ALS2: variants seen among roughly 807,000 people sequenced by gnomAD.
ALS2 encodes the protein alsin Rho guanine nucleotide exchange factor ALS2.
ALS2 carries 117 observed loss-of-function variants against 203.4 expected under a neutral mutation model. That is an observed-to-expected ratio of 0.58 (90% confidence interval 0.50 to 0.67). The LOEUF is 0.67. Ranked by LOEUF, ALS2 falls within the 30% of genes least tolerant of loss-of-function variation. ALS2 has a pLI of 0.00. For missense variants in ALS2, 1,715 were observed against 1,989.4 expected (o/e 0.86, Z 2.62); for synonymous variants, 718 against 725.9 (o/e 0.99, Z 0.17).
At position 201,761,445 on chromosome 2, in the gene ALS2, A is replaced by G. The variant is rs1373652673; in HGVS notation, c.549T>C (p.Ile183=). The change falls in exon 4 of 34, where the codon ATT becomes ATC. Residue 183 remains isoleucine (I), a synonymous_variant. Coordinates refer to ENST00000264276, the MANE Select transcript of ALS2 (RefSeq NM_020919.4). The stretch of plus-strand genomic sequence containing the variant: ...GCTTTGTCACTGGGAAGGCAGTGGT[A>G]ATGAGACCCAACTGACAACCGGTAC... ...AWGTGCQLGL[I]TTAFPVTKPQ... is the part of the protein sequence containing the mutation. 6.2e-7 allele frequency: 1 copy of G among 1,607,778 alleles called. No individual in the cohort carries two copies. The highest frequency in any genetic ancestry group is 1.1e-5 in the South Asian group (1 of 90,702).
intron 12 of ALS2, among the ~76,000 whole-genome samples, chr2:201,738,121 G>A (rs955131226): frequency 6.6e-6 from 1 of 152,058 alleles, no homozygotes; most frequent in Admixed American, 6.6e-5. Context: ...GTAACACAGT[G>A]AGACCCTATC....
At chr2:201,767,799 C>T (rs547318018) in intron 2 of ALS2, among the ~76,000 whole-genome samples, 13 of 142,564 alleles carry the variant, frequency 9.1e-5, no homozygotes, top group South Asian at 7.3e-4. Flanking sequence ...ACCCGGGAGG[C>T]GGAGGTTGCA....
chr2:201,724,649 A>G (rs1691035097), intron 20 of ALS2, among the ~76,000 whole-genome samples, 190 bp from the exon 21 acceptor site: 1 of 152,182 alleles, frequency 6.6e-6, no homozygotes, highest in Non-Finnish European at 1.5e-5. Flanking sequence ...TAAAGACACC[A>G]TGTGTGGTAT....
intron 6 of ALS2, 58 bp from the exon 7 acceptor site, chr2:201,753,300 C>T: frequency 7.1e-7 from 1 of 1,414,456 alleles, no homozygotes; most frequent in Non-Finnish European, 1.0e-6. Context: ...GAATCGTAGC[C>T]TTTCTCAAAT....
intron 13 of ALS2, among the ~76,000 whole-genome samples, chr2:201,732,505 T>C (rs1161441799): frequency 1.3e-5 from 2 of 151,324 alleles, no homozygotes; most frequent in African/African-American, 4.9e-5. Flanking sequence ...GAGGTGGAGG[T>C]TGCAGTGAGC....
At position 201,741,796 on chromosome 2, in the gene ALS2, G is replaced by A. The variant is rs1436244433; in HGVS notation, c.2229C>T (p.Ser743=). The part of the protein sequence containing the change: ...QLLQEVASRF[S]KLCYLIGQHG... ...GCTGACCAATGAGGTAACACAGCTTGCTGAATCGGCTAGCCACCTCCTGCA... is the reference window on the plus strand; with the variant it reads ...GCTGACCAATGAGGTAACACAGCTTACTGAATCGGCTAGCCACCTCCTGCA... Residue 743 remains serine (S), a synonymous_variant, in exon 11 of 34, where the codon AGC becomes AGT. Coordinates refer to ENST00000264276, the MANE Select transcript of ALS2 (RefSeq NM_020919.4). The A allele has an allele frequency of 6.2e-7, 1 of 1,614,162 alleles. No homozygotes were observed. The highest frequency in any genetic ancestry group is 2.2e-5 in the East Asian group (1 of 44,882).
rs1450818825 is a variant in ALS2, at chr2:201,701,496, A to G, written c.*355T>C. Reference sequence around the variant, plus strand: ...TATCCATCAACTTCTTTAATATAAGAAGCTCTACTGGAAGCTTTTCTTACA... The same window carrying G: ...TATCCATCAACTTCTTTAATATAAGGAGCTCTACTGGAAGCTTTTCTTACA... On this transcript the variant is annotated 3_prime_UTR_variant, in exon 34 of 34. Coordinates refer to ENST00000264276, the MANE Select transcript of ALS2 (RefSeq NM_020919.4). 5.4e-6 allele frequency: 1 copy of G among 186,282 alleles called. No individual in the cohort carries two copies. Among genetic ancestry groups the G allele is most frequent in the Non-Finnish European group, 1.1e-5 (1 of 89,166 alleles). The allele number at this position is 186,282 out of a possible 1,614,324, so 11.5% of individuals were successfully genotyped here.
chr2:201,718,373 C>T (rs1393527942), intron 23 of ALS2, among the ~76,000 whole-genome samples, 163 bp from the exon 24 acceptor site: 2 of 152,190 alleles, frequency 1.3e-5, no homozygotes, highest in African/African-American at 4.8e-5. Flanking sequence ...GATCCTCCTG[C>T]CTCAGCCTCC....
intron 25 of ALS2, among the ~76,000 whole-genome samples, chr2:201,711,547 G>C (rs2105974442): frequency 6.8e-6 from 1 of 147,952 alleles, no homozygotes; most frequent in East Asian, 2.2e-4. Context: ...TAAGGAAAAA[G>C]GGAAATAAGT....
intron 12 of ALS2, among the ~76,000 whole-genome samples, chr2:201,737,142 T>C (rs1177277101): frequency 6.6e-6 from 1 of 152,226 alleles, no homozygotes; most frequent in Non-Finnish European, 1.5e-5. Context: ...TACCACTTTT[T>C]TGTCACTAAT....
chr2:201,762,611 T>C (rs1168409806), intron 3 of ALS2: 3 of 152,256 alleles, frequency 2.0e-5, no homozygotes, highest in Non-Finnish European at 4.4e-5. Flanking sequence ...TTTTGGATCA[T>C]TTTAGATTTC....
intron 11 of ALS2, among the ~76,000 whole-genome samples, chr2:201,740,043 C>G (rs12151522): frequency 0.55 from 82,998 of 151,962 alleles, 25,254 homozygotes; most frequent in Admixed American, 0.7. Context: ...AAATAATTTT[C>G]GCCAGGCACA....
chr2:201,754,772 A>G, intron 5 of ALS2, 101 bp from the exon 6 acceptor site: 1 of 1,306,658 alleles, frequency 7.7e-7, no homozygotes, highest in East Asian at 2.4e-5. Flanking sequence ...TACGCCACCA[A>G]TGGTATTTTT....
chr2:201,713,402 G>A (rs777172391), intron 25 of ALS2, among the ~76,000 whole-genome samples: 1 of 152,046 alleles, frequency 6.6e-6, no homozygotes. Context: ...GATTACAGGT[G>A]CATGCCACCA....
At chr2:201,702,267 T>C (rs765928272) in intron 33 of ALS2, among the ~76,000 whole-genome samples, 2 of 151,938 alleles carry the variant, frequency 1.3e-5, no homozygotes, top group Non-Finnish European at 2.9e-5. Flanking sequence ...TTAATAAATA[T>C]ACAGATTAAG....
At chr2:201,760,265 C>T (rs1221596684) in intron 4 of ALS2, 10 of 882,538 alleles carry the variant, frequency 1.1e-5, no homozygotes, top group East Asian at 1.2e-4. Context: ...GAGCCACAAT[C>T]GCATTACTGC....
intron 19 of ALS2, among the ~76,000 whole-genome samples, chr2:201,726,163 T>C (rs551098358): frequency 2.2e-4 from 33 of 152,256 alleles, no homozygotes; most frequent in African/African-American, 4.1e-4. Flanking sequence ...AGGACTACCA[T>C]CTCAATAGTC....
In ALS2 at chr2:201,705,480, A is replaced by G; in HGVS notation, c.4581-19T>C. On this transcript the variant is annotated intron_variant, in intron 29 of 33. Transcript: ENST00000264276. ...AAATTTCCTATAATGGAATCCATAA[A>G]TTATTAATATAAGTTGTTACTTATG... The G allele has an allele frequency of 6.3e-7, 1 of 1,594,470 alleles. No homozygotes were observed. The highest frequency in any genetic ancestry group is 8.6e-7 in the Non-Finnish European group (1 of 1,162,558).
intron 1 of ALS2, among the ~76,000 whole-genome samples, chr2:201,776,450 T>TA (rs1370740741): frequency 2.6e-5 from 4 of 152,210 alleles, no homozygotes; most frequent in Non-Finnish European, 1.5e-5. Flanking sequence ...ACCCACTGCA[T>TA]ATTTTAAACA....
Sources: gnomAD v4.1 joint callset for allele counts (sites outside exome capture counted in the v4.1 genomes callset) on GRCh38, gnomAD v4.1.1 for gene constraint, MANE v1.5 for transcripts, NCBI Gene and HGNC (gene_info 2026-07-23, HGNC 2026-07-21) for gene names.